MYOM3: variants seen among roughly 807,000 people sequenced by gnomAD.
MYOM3 encodes myomesin 3.
A neutral mutation model predicts 191.7 loss-of-function variants in MYOM3; 155 were observed. The ratio of observed to expected loss-of-function variants is 0.81; its 90% CI spans 0.71 to 0.92. The LOEUF (loss-of-function observed/expected upper bound fraction) is 0.92. Among genes scored for constraint, MYOM3 ranks in the 40% least tolerant of loss-of-function variants. The probability of loss-of-function intolerance (pLI) is 0.00; values close to 1 mark genes in which losing one functional copy is unlikely to be tolerated. For synonymous variants in MYOM3, 757 were observed against 762.9 expected, an observed-to-expected ratio of 0.99 and a Z score of 0.13; for missense variants, 1,889 against 1,890.6, an observed-to-expected ratio of 1.00 and a Z score of 0.02.
At chr1:24,075,256 G>T (rs1643581790) in intron 22 of MYOM3, 63 bp downstream of exon 22, 5 of 1,550,840 alleles carry the variant, frequency 3.2e-6, no homozygotes, top group Non-Finnish European at 3.5e-6. Context: ...AGGAGCCCCT[G>T]CCAGCTCCTC....
intron 6 of MYOM3, among the ~76,000 whole-genome samples, chr1:24,098,804 G>A (rs1464665077): frequency 6.6e-6 from 1 of 152,202 alleles, no homozygotes; most frequent in Admixed American, 6.5e-5. Context: ...TAAGATGAGT[G>A]TTCTGCTTAT....
At chr1:24,102,756 C>G (rs58843530) in intron 5 of MYOM3, among the ~76,000 whole-genome samples, 5,090 of 152,078 alleles carry the variant, frequency 0.033, 293 homozygotes, top group African/African-American at 0.12. Context: ...TGAGGTAGGA[C>G]GATCGCTTGA....
chr1:24,072,111 T>A, intron 23 of MYOM3, 98 bp from the exon 24 acceptor site: 4 of 1,251,134 alleles, frequency 3.2e-6, no homozygotes, highest in Non-Finnish European at 4.7e-6. Context: ...CTGTGCTGGG[T>A]CAAAATTCCA....
Position 24,099,723 on chromosome 1 carries a change from G to C in MYOM3, c.613C>G (p.Arg205Gly). 3.1e-6 allele frequency: 5 copies of C among 1,614,056 alleles called. No homozygotes were observed. The highest frequency in any genetic ancestry group is 4.2e-6 in the Non-Finnish European group (5 of 1,179,990). Residue 205 changes from arginine (R) to glycine (G), a missense_variant, in exon 6 of 37, where the codon CGA (arginine) becomes GGA (glycine). Coordinates refer to ENST00000374434, the MANE Select transcript of MYOM3 (RefSeq NM_152372.4). ...DPRLFRAGKY[R>G]ITNNYGLLSL... is the part of the protein sequence containing the mutation. ...AGCAGCCCGTAGTTGTTGGTGATTC[G>C]GTATTTTCCGGCACGAAAGAGGCGG...
intron 14 of MYOM3, among the ~76,000 whole-genome samples, chr1:24,089,293 G>C (rs1369856525): frequency 6.6e-6 from 1 of 152,240 alleles, no homozygotes; most frequent in Non-Finnish European, 1.5e-5. Context: ...TCTGTGTCTT[G>C]TATTTTGTGT....
rs1643428420 is a variant in MYOM3 at position 24,065,925 on chromosome 1, G to A, written c.3500C>T (p.Pro1167Leu). 1 of 1,613,550 alleles carries A rather than the reference G, an allele frequency of 6.2e-7. No homozygotes were observed. The highest frequency in any genetic ancestry group is 1.1e-5 in the South Asian group (1 of 91,082). The change falls in exon 29 of 37, where the codon CCA becomes CTA. Residue 1167 changes from proline (P) to leucine (L), a missense_variant. Physicochemically the swap from Pro to Leu is moderately conservative, Grantham distance 98. Transcript: ENST00000374434. ...GCAGAGAAGTCCCGTTCCCGTCTCT[G>A]GGTCATACTGACCATCTGGCATCTC... ...RAEMPDGQYD[P>L]ETGTGLLCIE...
intron 28 of MYOM3, chr1:24,066,429 T>TG (rs1410637331): frequency 1.7e-6 from 1 of 587,126 alleles, no homozygotes; most frequent in Non-Finnish European, 3.0e-6. Flanking sequence ...ACAAAATAGA[T>TG]GCTCTGAGTT....
chr1:24,069,019 C>T (rs1389755244), intron 25 of MYOM3, among the ~76,000 whole-genome samples: 1 of 152,134 alleles, frequency 6.6e-6, no homozygotes, highest in Non-Finnish European at 1.5e-5. Flanking sequence ...CCATTGTGCC[C>T]AGCAGCTTAT....
At chr1:24,098,191 C>T (rs780855804) in intron 6 of MYOM3, among the ~76,000 whole-genome samples, 180 bp from the exon 7 acceptor site, 16 of 152,206 alleles carry the variant, frequency 1.1e-4, no homozygotes, top group Non-Finnish European at 2.4e-4. Flanking sequence ...CCTTTCCATG[C>T]TTCGGTGTCC....
chr1:24,101,846 A>T lies in MYOM3; in HGVS notation c.561-2071T>A, dbSNP rs146150897. Among the ~76,000 whole-genome samples the T allele has an allele frequency of 7.5e-4, 114 of 152,312 alleles. No individual in the cohort carries two copies. In the East Asian group the frequency reaches 0.021, roughly 28 times the overall value. ...TGGATGCCGCCCTCATTTTCTGTGA[A>T]CTTGGGTCTTGTTCCCCGTGTTGTG... On this transcript the variant is annotated intron_variant, in intron 5 of 36. Transcript: ENST00000374434.
chr1:24,097,235 C>A (rs116284516), intron 7 of MYOM3, among the ~76,000 whole-genome samples: 2,192 of 152,260 alleles, frequency 0.014, 63 homozygotes, highest in African/African-American at 0.051. Context: ...TTGGTGGGGC[C>A]AGACCACCCT....
At chr1:24,076,093 T>G in intron 21 of MYOM3, 66 bp downstream of exon 21, 11 of 1,330,796 alleles carry the variant, frequency 8.3e-6, no homozygotes, top group African/African-American at 1.4e-5. Flanking sequence ...CAACTTCCCT[T>G]GAACTCCACC....
chr1:24,066,038 T>G (rs756467802), intron 28 of MYOM3, 37 bp from the exon 29 acceptor site: 1 of 1,360,084 alleles, frequency 7.4e-7, no homozygotes, highest in South Asian at 1.2e-5. Flanking sequence ...TCTGTCAGGC[T>G]TGTTTCTTTT....
At chr1:24,082,453 C>T (rs1294881781) in intron 17 of MYOM3, 140 bp downstream of exon 17, 1 of 1,226,468 alleles carries the variant, frequency 8.2e-7, no homozygotes, top group Non-Finnish European at 1.1e-6. Flanking sequence ...GAAAGGGCAG[C>T]CAGGGCCAGC....
chr1:24,090,196 C>T, intron 12 of MYOM3, 78 bp from the exon 13 acceptor site: 1 of 1,189,056 alleles, frequency 8.4e-7, no homozygotes, highest in Non-Finnish European at 1.3e-6. Flanking sequence ...ACACCAGGGT[C>T]TGCGTCCTGC....
intron 21 of MYOM3, among the ~76,000 whole-genome samples, chr1:24,075,698 CCT>C (rs1557606049): frequency 1.3e-5 from 2 of 152,116 alleles, no homozygotes; most frequent in East Asian, 3.9e-4. Flanking sequence ...ATCCTATCAC[CCT>C]GTTTTCTTTC....
In MYOM3 at chr1:24,111,714, GACTCCAGTTCCCAGGGCAGCCCCC is replaced by G. The variant is rs1396052983; in HGVS notation, c.-19+293_-19+316del. On this transcript the variant is annotated intron_variant, in intron 1 of 36. Coordinates refer to ENST00000374434, the MANE Select transcript of MYOM3 (RefSeq NM_152372.4). This position sits in a 1 kb window ranked among gnomAD's most constrained non-coding sequence, Gnocchi z 4.7. ...CTTATCGCTGCTCCATCACAGGAAA[GACTCCAGTTCCCAGGGCAGCCCCC>G]ACTCTTTTTTTTTTTTTTGCAACTT... is the stretch of plus-strand genomic sequence containing the variant. Among the ~76,000 whole-genome samples the G allele has an allele frequency of 6.6e-6, 1 of 151,726 alleles. No individual in the cohort carries two copies. Among genetic ancestry groups the G allele is most frequent in the East Asian group, 1.9e-4 (1 of 5,182 alleles).
chr1:24,068,781 T>C (rs1643487221), intron 25 of MYOM3, among the ~76,000 whole-genome samples: 1 of 152,148 alleles, frequency 6.6e-6, no homozygotes, highest in Admixed American at 6.5e-5. Flanking sequence ...TGGAGTGCAG[T>C]GGCGCAATCT....
chr1:24,063,197 C>T lies in MYOM3; in HGVS notation c.3699G>A (p.Glu1233=). 1 of 1,613,990 alleles carries T rather than the reference C, an allele frequency of 6.2e-7. No homozygotes were observed. The highest frequency in any genetic ancestry group is 1.3e-5 in the African/African-American group (1 of 75,000). The part of the protein sequence containing the change: ...SATPLKIQGT[E]EGIRIFSKVK... ...CCTTGCTGAAGATCCGGATCCCTTCCTCGGTCCCCTGGATTTTCAGTGGAG... is the reference window on the plus strand; with the variant it reads ...CCTTGCTGAAGATCCGGATCCCTTCTTCGGTCCCCTGGATTTTCAGTGGAG... Residue 1233 remains glutamate (E), a synonymous_variant, in exon 32 of 37, where the codon GAG becomes GAA. Coordinates refer to ENST00000374434, the MANE Select transcript of MYOM3 (RefSeq NM_152372.4). This position sits in a 1 kb window ranked among gnomAD's most constrained non-coding sequence, Gnocchi z 4.5.
Sources: gnomAD v4.1 joint callset for allele counts (sites outside exome capture counted in the v4.1 genomes callset) on GRCh38, gnomAD v4.1.1 for gene constraint, Gnocchi (gnomAD v3.1) non-coding constraint, MANE v1.5 for transcripts, NCBI Gene and HGNC (gene_info 2026-07-23, HGNC 2026-07-21) for gene names.